Variants in PKIA observed in about 807,000 individuals in gnomAD.
PKIA encodes the protein cAMP-dependent protein kinase inhibitor alpha.
In PKIA, 4 loss-of-function variants were observed where a neutral mutation model predicts 7.6. The ratio of observed to expected loss-of-function variants is 0.52; its 90% CI spans 0.26 to 1.20. The LOEUF (loss-of-function observed/expected upper bound fraction) is 1.20. Ranked by LOEUF, PKIA falls within the 50% of genes most tolerant of loss-of-function variation. The pLI, the probability that PKIA is intolerant of heterozygous loss-of-function variation, is 0.13. For missense variants in PKIA, 73 were observed against 86.2 expected, an observed-to-expected ratio of 0.85 and a Z score of 0.61; for synonymous variants, 21 against 30.7, an observed-to-expected ratio of 0.68 and a Z score of 1.04.
rs1806659269 is a variant in PKIA, at chr8:78,540,624, G to A, written c.-157+24156G>A. Among the ~76,000 whole-genome samples, 4 of 151,892 alleles carry A rather than the reference G, an allele frequency of 2.6e-5. No individual in the cohort carries two copies. In the South Asian group the frequency reaches 6.2e-4, roughly 24 times the overall value. Reference sequence around the variant, plus strand: ...ACTCCTGCTCTTTTTCCTGTGAACCGTTCCCCTTTTTCAGGTAGAGGGACA... The same window carrying A: ...ACTCCTGCTCTTTTTCCTGTGAACCATTCCCCTTTTTCAGGTAGAGGGACA... On this transcript the variant is annotated intron_variant, in intron 1 of 3. Transcript: ENST00000396418.
At chr8:78,530,699 T>C (rs1264630740) in intron 1 of PKIA, among the ~76,000 whole-genome samples, 1 of 152,100 alleles carries the variant, frequency 6.6e-6, no homozygotes, top group Non-Finnish European at 1.5e-5. Context: ...ATTGTATCAT[T>C]TGATTATACA....
At chr8:78,529,590 G>T (rs1806344171) in intron 1 of PKIA, among the ~76,000 whole-genome samples, 1 of 151,912 alleles carries the variant, frequency 6.6e-6, no homozygotes, top group Non-Finnish European at 1.5e-5. Flanking sequence ...TATATGAAAT[G>T]ATCAAACAAA....
chr8:78,538,101 G>C (rs1264182286), intron 1 of PKIA, among the ~76,000 whole-genome samples: 1 of 151,768 alleles, frequency 6.6e-6, no homozygotes, highest in Non-Finnish European at 1.5e-5. Flanking sequence ...CTACGTCCCT[G>C]TGCTGACATA....
intron 2 of PKIA, among the ~76,000 whole-genome samples, chr8:78,593,672 T>G (rs977879828): frequency 3.3e-5 from 5 of 152,238 alleles, no homozygotes; most frequent in African/African-American, 1.2e-4. Flanking sequence ...TCCAAAAACT[T>G]TATTCAAACT....
In PKIA at chr8:78,561,420, A is replaced by G. The variant is rs116110504; in HGVS notation, c.-156-11391A>G. ...CCTTCTTCCTCCTCAACATCATGTA[A>G]TTAGCCTACCCCACTGCTCTAGGCT... On this transcript the variant is annotated intron_variant, in intron 1 of 3. Coordinates refer to ENST00000396418, the MANE Select transcript of PKIA (RefSeq NM_006823.4). Among the ~76,000 whole-genome samples, 796 of 152,030 alleles carry G rather than the reference A, an allele frequency of 5.2e-3. 10 individuals carry two copies. The highest frequency in any genetic ancestry group is 0.017 in the African/African-American group (718 of 41,494).
At chr8:78,588,498 CAACAACAACA>C (rs1053438130) in intron 2 of PKIA, among the ~76,000 whole-genome samples, 2 of 151,844 alleles carry the variant, frequency 1.3e-5, no homozygotes, top group Admixed American at 1.3e-4. Context: ...ATATAAACAA[CAACAACAACA>C]AAGTGCAGTG....
intron 2 of PKIA, among the ~76,000 whole-genome samples, chr8:78,597,284 A>G (rs777526595): frequency 6.6e-6 from 1 of 152,198 alleles, no homozygotes; most frequent in Non-Finnish European, 1.5e-5. Context: ...GGCCATTTTA[A>G]TGATAGAAAT....
rs1477048915 is a variant in PKIA at position 78,603,691 on chromosome 8, A to C, written c.*1870A>C. On this transcript the variant is annotated 3_prime_UTR_variant, in exon 4 of 4. Coordinates refer to ENST00000396418, the MANE Select transcript of PKIA (RefSeq NM_006823.4). Reference sequence around the variant, plus strand: ...TAGGCAATCCCTGGTAAACTGTTTAAACCATCAAACCCCTACAGTCAGTTT... The same window carrying C: ...TAGGCAATCCCTGGTAAACTGTTTACACCATCAAACCCCTACAGTCAGTTT... The C allele has an allele frequency of 6.6e-6, 1 of 151,978 alleles. No individual in the cohort carries two copies. The highest frequency in any genetic ancestry group is 2.4e-5 in the African/African-American group (1 of 41,434). The allele number at this position is 151,978 out of a possible 1,614,324, so 9.4% of individuals were successfully genotyped here. A position where few individuals can be genotyped will look rare whatever the true frequency, so the allele number is the denominator to read the frequency against.
chr8:78,534,462 T>G (rs887799988), intron 1 of PKIA: 8 of 152,098 alleles, frequency 5.3e-5, no homozygotes, highest in Admixed American at 1.3e-4. Flanking sequence ...ATTTAGAAGT[T>G]TTTTCACTAC....
chr8:78,525,506 T>C (rs960647164), intron 1 of PKIA, among the ~76,000 whole-genome samples: 3 of 152,052 alleles, frequency 2.0e-5, no homozygotes, highest in African/African-American at 7.2e-5. Context: ...AGGATGAATG[T>C]TGGCATCTTG....
At chr8:78,599,441 G>C (rs73244975) in intron 3 of PKIA, among the ~76,000 whole-genome samples, 3,981 of 152,068 alleles carry the variant, frequency 0.026, 78 homozygotes, top group African/African-American at 0.053. Context: ...AGAAAACTGA[G>C]TCAGAGTATA....
intron 1 of PKIA, among the ~76,000 whole-genome samples, chr8:78,568,606 G>A (rs1807474495): frequency 1.3e-5 from 2 of 152,044 alleles, no homozygotes; most frequent in Non-Finnish European, 2.9e-5. Context: ...CTTAAGAAAT[G>A]ACCTGGCAAT....
intron 1 of PKIA, among the ~76,000 whole-genome samples, chr8:78,524,047 AATAT>A (rs1451265541): frequency 7.8e-6 from 1 of 127,804 alleles, no homozygotes; most frequent in Admixed American, 8.1e-5. Flanking sequence ...TATATATATA[AATAT>A]ATATAAACAT....
At chr8:78,546,612 T>C (rs1056163997) in intron 1 of PKIA, among the ~76,000 whole-genome samples, 4 of 152,144 alleles carry the variant, frequency 2.6e-5, no homozygotes, top group African/African-American at 9.7e-5. Context: ...TAAAATTAAA[T>C]GAGATGTGGA....
At chr8:78,525,031 C>T (rs574240238) in intron 1 of PKIA, among the ~76,000 whole-genome samples, 1 of 151,654 alleles carries the variant, frequency 6.6e-6, no homozygotes, top group African/African-American at 2.4e-5. Flanking sequence ...ATAGAACTAC[C>T]CTCTTCCCTG....
At chr8:78,588,033 G>A (rs1807995045) in intron 2 of PKIA, among the ~76,000 whole-genome samples, 1 of 152,094 alleles carries the variant, frequency 6.6e-6, no homozygotes, top group Non-Finnish European at 1.5e-5. Context: ...ACATTGTAGT[G>A]GATTCGAAAA....
chr8:78,587,015 T>G (rs1458462934), intron 2 of PKIA, among the ~76,000 whole-genome samples: 2 of 152,206 alleles, frequency 1.3e-5, no homozygotes, highest in Admixed American at 1.3e-4. Flanking sequence ...GTAGCTGTTT[T>G]GTTATTCTTA....
chr8:78,601,979 T>A lies in PKIA; in HGVS notation c.*158T>A. 1 of 610,688 alleles carries A rather than the reference T, an allele frequency of 1.6e-6. No individual in the cohort carries two copies. The highest frequency in any genetic ancestry group is 2.9e-6 in the Non-Finnish European group (1 of 348,736). 37.8% of individuals were successfully genotyped at this position (610,688 alleles called of 1,614,324 possible). Reference sequence around the variant, plus strand: ...TCATGTTAAAAATGAGGGCAGAGGCTGTGGCTGCAGGCAGACTTTTCCCTA... The same window carrying A: ...TCATGTTAAAAATGAGGGCAGAGGCAGTGGCTGCAGGCAGACTTTTCCCTA... On this transcript the variant is annotated 3_prime_UTR_variant, in exon 4 of 4. Coordinates refer to ENST00000396418, the MANE Select transcript of PKIA (RefSeq NM_006823.4).
chr8:78,536,792 C>A (rs754765831), intron 1 of PKIA, among the ~76,000 whole-genome samples: 14 of 150,864 alleles, frequency 9.3e-5, no homozygotes, highest in Admixed American at 1.3e-4. Flanking sequence ...AAATAGATTA[C>A]AACTCTACTG....
Sources: gnomAD v4.1 joint callset for allele counts (sites outside exome capture counted in the v4.1 genomes callset) on GRCh38, gnomAD v4.1.1 for gene constraint, MANE v1.5 for transcripts, NCBI Gene and HGNC (gene_info 2026-07-23, HGNC 2026-07-21) for gene names.